The following ABI3BP variants were observed in gnomAD, a reference collection of about 807,000 sequenced individuals.
The protein encoded by ABI3BP is ABI family member 3 binding protein.
Under a neutral mutation model 268.6 loss-of-function variants are expected in ABI3BP, and 216 were observed. The ratio of observed to expected loss-of-function variants is 0.80; its 90% CI spans 0.72 to 0.90. ABI3BP has a LOEUF of 0.90. Ranked by LOEUF, ABI3BP falls within the 40% of genes least tolerant of loss-of-function variation. ABI3BP has a pLI of 0.00. For missense variants in ABI3BP, 2,090 were observed against 2,182.4 expected (o/e 0.96, Z 0.84); for synonymous variants, 730 against 730.0 (o/e 1.00, Z 0.00).
chr3:100,883,001 G>A (rs917928630), intron 6 of ABI3BP, among the ~76,000 whole-genome samples: 3 of 152,066 alleles, frequency 2.0e-5, no homozygotes, highest in African/African-American at 7.2e-5. Flanking sequence ...GCAGATCTAC[G>A]TTTCCTATAC....
intron 1 of ABI3BP, among the ~76,000 whole-genome samples, chr3:100,960,932 A>C (rs2153817369): frequency 6.6e-6 from 1 of 152,356 alleles, no homozygotes; most frequent in East Asian, 1.9e-4. Context: ...CTTTCATTTC[A>C]GTCTTGTAAG....
At chr3:100,954,002 T>C (rs1375766244) in intron 1 of ABI3BP, among the ~76,000 whole-genome samples, 3 of 152,156 alleles carry the variant, frequency 2.0e-5, no homozygotes, top group Non-Finnish European at 4.4e-5. Context: ...GATTAGCTCT[T>C]AGGATGAACT....
chr3:100,784,650 T>C (rs530174885), intron 57 of ABI3BP, among the ~76,000 whole-genome samples: 2 of 152,198 alleles, frequency 1.3e-5, no homozygotes, highest in South Asian at 2.1e-4. Context: ...GACTAATAAG[T>C]AGATAAAGAA....
At chr3:100,841,656 AGGTG>A (rs1368782421) in intron 21 of ABI3BP, among the ~76,000 whole-genome samples, 1 of 152,132 alleles carries the variant, frequency 6.6e-6, no homozygotes. Flanking sequence ...TGAGAGGCCG[AGGTG>A]GGTGGATCAC....
chr3:100,815,891 G>A, intron 44 of ABI3BP, 21 bp downstream of exon 44: 1 of 1,513,036 alleles, frequency 6.6e-7, no homozygotes, highest in East Asian at 2.5e-5. Flanking sequence ...AGCATTTAAT[G>A]CAAGTCACAA....
chr3:100,977,512 G>A (rs2086851418), intron 1 of ABI3BP, among the ~76,000 whole-genome samples: 1 of 152,120 alleles, frequency 6.6e-6, no homozygotes, highest in Non-Finnish European at 1.5e-5. Context: ...AATTTGTGCT[G>A]GATATAGGCA....
chr3:100,927,141 A>C (rs916939530), intron 1 of ABI3BP, among the ~76,000 whole-genome samples: 4 of 152,166 alleles, frequency 2.6e-5, no homozygotes, highest in Non-Finnish European at 4.4e-5. Flanking sequence ...CTTATAAGTG[A>C]TAATTGGATG....
chr3:100,856,037 C>A (rs2098935899), intron 14 of ABI3BP, among the ~76,000 whole-genome samples: 1 of 152,170 alleles, frequency 6.6e-6, no homozygotes, highest in South Asian at 2.1e-4. Flanking sequence ...ATCTGCTATA[C>A]CTGAAATCTG....
chr3:100,918,336 C>T (rs2059304031), intron 2 of ABI3BP, among the ~76,000 whole-genome samples: 2 of 151,270 alleles, frequency 1.3e-5, no homozygotes, highest in Non-Finnish European at 2.9e-5. Flanking sequence ...ACCCGTCCAC[C>T]CATCCACCCG....
intron 62 of ABI3BP, among the ~76,000 whole-genome samples, chr3:100,766,515 G>A (rs1249867586): frequency 6.6e-6 from 1 of 152,094 alleles, no homozygotes; most frequent in African/African-American, 2.4e-5. Context: ...GGAGTAGTTG[G>A]TTTTTGTACT....
chr3:100,934,541 C>T (rs1487467569), intron 1 of ABI3BP, among the ~76,000 whole-genome samples: 2 of 152,204 alleles, frequency 1.3e-5, no homozygotes, highest in East Asian at 3.9e-4. Flanking sequence ...AGTTCTAGAT[C>T]CTTGAGGAAT....
chr3:100,813,287 A>G (rs1199860963), intron 45 of ABI3BP, among the ~76,000 whole-genome samples: 1 of 152,178 alleles, frequency 6.6e-6, no homozygotes, highest in Non-Finnish European at 1.5e-5. Flanking sequence ...TGATGGTCAC[A>G]ATTGAACTAG....
rs955426327 is a variant in ABI3BP, at chr3:100,876,418, TA to T, written c.745+93del. On this transcript the variant is annotated intron_variant, in intron 7 of 67. Transcript: ENST00000471714. The stretch of plus-strand genomic sequence containing the variant: ...ACTTTTTCTCAAAAAAAAAATCAAT[TA>T]AAAAATCGAGAAAATATGTGCCGTG... 738 of 1,184,780 alleles carry T rather than the reference TA, an allele frequency of 6.2e-4. 5 individuals carry two copies. The African/African-American group carries it at 0.01, about 17-fold the overall frequency. 73.4% of individuals were successfully genotyped at this position (1,184,780 alleles called of 1,614,324 possible).
At chr3:100,950,061 G>A (rs993755972) in intron 1 of ABI3BP, among the ~76,000 whole-genome samples, 4 of 152,058 alleles carry the variant, frequency 2.6e-5, no homozygotes, top group Non-Finnish European at 5.9e-5. Context: ...GCTCAGTAAG[G>A]GTTGTTTTTG....
Position 100,862,844 on chromosome 3 carries a change from T to C in ABI3BP, c.1204A>G (p.Thr402Ala). The C allele has an allele frequency of 2.6e-6, 4 of 1,534,378 alleles. No individual in the cohort carries two copies. The highest frequency in any genetic ancestry group is 2.7e-5 in the African/African-American group (2 of 73,108). ...TTTAAGGTACTCTTATTACCCAATGTGCCCCTAGGTTTCTCAAAAGGGAAG... is the reference window on the plus strand; with the variant it reads ...TTTAAGGTACTCTTATTACCCAATGCGCCCCTAGGTTTCTCAAAAGGGAAG... ...TPFPFEKPRG[T>A]LASSEKPWIV... The change falls in exon 13 of 68, where the codon ACA (threonine) becomes GCA (alanine). Residue 402 changes from threonine (T) to alanine (A), a missense_variant. Transcript: ENST00000471714.
Position 100,778,272 on chromosome 3 carries a change from T to C in ABI3BP, c.4333+12A>G, listed in dbSNP as rs1313788418. 1.2e-6 allele frequency: 2 copies of C among 1,612,342 alleles called. No individual in the cohort carries two copies. The highest frequency in any genetic ancestry group is 8.5e-7 in the Non-Finnish European group (1 of 1,178,916). ...ATCATGGCGGGAAAAGGAAGGTACA[T>C]GACTAACGTACCTGCACTTCCTGGC... On this transcript the variant is annotated intron_variant, in intron 59 of 67. Coordinates refer to ENST00000471714, the MANE Select transcript of ABI3BP (RefSeq NM_001375547.2).
intron 1 of ABI3BP, among the ~76,000 whole-genome samples, chr3:100,941,024 G>C (rs887370361): frequency 6.7e-6 from 1 of 150,102 alleles, no homozygotes; most frequent in Non-Finnish European, 1.5e-5. Context: ...TAAATCTAAA[G>C]AATAATTACA....
chr3:100,849,579 C>A (rs985142137), intron 17 of ABI3BP, among the ~76,000 whole-genome samples: 10 of 152,078 alleles, frequency 6.6e-5, no homozygotes, highest in Non-Finnish European at 4.4e-5. Context: ...ATGAACTTCG[C>A]TATTTCAATA....
At chr3:100,892,657 T>C (rs2045293400) in intron 4 of ABI3BP, among the ~76,000 whole-genome samples, 2 of 152,220 alleles carry the variant, frequency 1.3e-5, no homozygotes, top group African/African-American at 4.8e-5. Context: ...AAGCAATTTC[T>C]GAGAGCTTTT....
Sources: allele counts gnomAD v4.1 joint callset (sites outside exome capture counted in the v4.1 genomes callset), GRCh38; gene constraint gnomAD v4.1.1; transcripts MANE v1.5; gene names NCBI Gene and HGNC (gene_info 2026-07-23, HGNC 2026-07-21).